The following CACNA1D variants were observed in gnomAD, a reference collection of about 807,000 sequenced individuals.
The protein encoded by CACNA1D is calcium voltage-gated channel subunit alpha1 D, also known as voltage-dependent L-type calcium channel subunit alpha-1D.
A neutral mutation model predicts 257.1 loss-of-function variants in CACNA1D; 55 were observed. The ratio of observed to expected loss-of-function variants is 0.21; its 90% CI spans 0.17 to 0.27. CACNA1D has a LOEUF of 0.27. Among genes scored for constraint, CACNA1D ranks in the 10% least tolerant of loss-of-function variants. CACNA1D has a pLI of 1.00. For missense variants in CACNA1D, 1,876 were observed against 2,784.0 expected (o/e 0.67, Z 7.34); for synonymous variants, 980 against 1,014.9 (o/e 0.97, Z 0.65).
chr3:53,772,071 C>T (rs777500834), intron 32 of CACNA1D, among the ~76,000 whole-genome samples: 6 of 152,208 alleles, frequency 3.9e-5, no homozygotes, highest in East Asian at 1.9e-4. Context: ...TGCAGGTAGA[C>T]GTGTTGGTCA....
chr3:53,774,372 A>T lies in CACNA1D; in HGVS notation c.4111-215A>T. The T allele has an allele frequency of 1.8e-6, 1 of 552,242 alleles. No homozygotes were observed. The highest frequency in any genetic ancestry group is 3.3e-6 in the Non-Finnish European group (1 of 307,168). The allele number at this position is 552,242 out of a possible 1,614,324, so 34.2% of individuals were successfully genotyped here. A position where few individuals can be genotyped will look rare whatever the true frequency, so the allele number is the denominator to read the frequency against. On this transcript the variant is annotated intron_variant, in intron 33 of 47. Coordinates refer to ENST00000350061, the MANE Select transcript of CACNA1D (RefSeq NM_001128840.3). This position sits in a 1 kb window ranked among gnomAD's most constrained non-coding sequence, Gnocchi z 4.3. Reference sequence around the variant, plus strand: ...CCCAGGGGAGATCCGCGAATGTGAGACCGTGCCCCTCTGGAGCACCACGTT... The same window carrying T: ...CCCAGGGGAGATCCGCGAATGTGAGTCCGTGCCCCTCTGGAGCACCACGTT...
intron 3 of CACNA1D, among the ~76,000 whole-genome samples, chr3:53,570,845 G>T (rs1231466353): frequency 6.6e-6 from 1 of 152,200 alleles, no homozygotes; most frequent in African/African-American, 2.4e-5. Context: ...GCTAAAAATG[G>T]TCAAGGAAGG....
intron 3 of CACNA1D, among the ~76,000 whole-genome samples, chr3:53,539,931 C>G (rs1005183389): frequency 1.3e-5 from 2 of 152,152 alleles, no homozygotes; most frequent in Non-Finnish European, 2.9e-5. Flanking sequence ...GTCTTTGGTT[C>G]ATTTTCCCAT....
intron 3 of CACNA1D, among the ~76,000 whole-genome samples, chr3:53,588,499 G>A (rs2093254375): frequency 6.6e-6 from 1 of 152,148 alleles, no homozygotes; most frequent in African/African-American, 2.4e-5. Context: ...CTGCCTGGGG[G>A]AGTAGAGAAA....
chr3:53,540,764 G>A (rs1210667982), intron 3 of CACNA1D, among the ~76,000 whole-genome samples: 1 of 151,896 alleles, frequency 6.6e-6, no homozygotes. Flanking sequence ...TTTTTGAGAT[G>A]GAGTTTTGCT....
chr3:53,809,437 C>T (rs548101345), intron 46 of CACNA1D: 44 of 185,954 alleles, frequency 2.4e-4, no homozygotes, highest in African/African-American at 8.6e-4. Flanking sequence ...TTACAGACAG[C>T]GTTCCCCGTC....
chr3:53,625,168 CACTCACATCCGGGTCT>C (rs1469835490), intron 3 of CACNA1D, among the ~76,000 whole-genome samples: 1 of 152,134 alleles, frequency 6.6e-6, no homozygotes, highest in Non-Finnish European at 1.5e-5. Context: ...GACCATATCT[CACTCACATCCGGGTCT>C]TGAGGTCCTG....
rs141704756 is a variant in CACNA1D at position 53,732,066 on chromosome 3, G to A, written c.2457G>A (p.Pro819=). The change falls in exon 18 of 48, where the codon CCG becomes CCA. Residue 819 remains proline, a synonymous_variant. Transcript: ENST00000350061. ...REEDEDKDPY[P]PCDVPVGEEE... ...AGGATGAAGACAAGGACCCCTATCC[G>A]CCTTGCGATGTGCCAGGTATGGTGG... 64 of 1,612,292 alleles carry A rather than the reference G, an allele frequency of 4.0e-5. No homozygotes were observed. In the East Asian group the frequency reaches 4.9e-4, roughly 12 times the overall value.
chr3:53,754,959 G>T (rs1328442366), intron 29 of CACNA1D, among the ~76,000 whole-genome samples: 2 of 152,184 alleles, frequency 1.3e-5, no homozygotes, highest in Non-Finnish European at 2.9e-5. Flanking sequence ...GTGATTAATT[G>T]GGGTGATTGC....
chr3:53,631,605 T>G (rs953960956), intron 3 of CACNA1D, among the ~76,000 whole-genome samples: 1 of 152,228 alleles, frequency 6.6e-6, no homozygotes, highest in Non-Finnish European at 1.5e-5. Flanking sequence ...ACATCCAGAA[T>G]GGTGAATTCC....
At chr3:53,581,204 G>A (rs187163091) in intron 3 of CACNA1D, among the ~76,000 whole-genome samples, 23 of 152,282 alleles carry the variant, frequency 1.5e-4, no homozygotes, top group Admixed American at 1.1e-3. Flanking sequence ...ATATATGCTC[G>A]GATCCCCATG....
In CACNA1D at chr3:53,735,355, C is replaced by T; in HGVS notation, c.2622-19C>T. 2.5e-6 allele frequency: 4 copies of T among 1,613,234 alleles called. No homozygotes were observed. The highest frequency in any genetic ancestry group is 3.4e-6 in the Non-Finnish European group (4 of 1,179,196). On this transcript the variant is annotated intron_variant, in intron 19 of 47. Transcript: ENST00000350061. ...CACCCTATCTGGGACTGTTTCCAAG[C>T]AGCGGCTTTTCCCTGCAGGATCCGC...
At position 53,497,697 on chromosome 3, in the gene CACNA1D, A is replaced by G. The variant is rs147300211; in HGVS notation, c.377+236A>G. 9.9e-5 allele frequency among the ~76,000 whole-genome samples: 15 copies of G among 152,182 alleles called. No individual in the cohort carries two copies. In the East Asian group the frequency reaches 2.9e-3, roughly 29 times the overall value. On this transcript the variant is annotated intron_variant, in intron 2 of 47. Transcript: ENST00000350061. ...TGTGTATAGTAGTAGTAGTAGGGGG[A>G]GGGAGTGACAGCCTGAAACTTCACA...
intron 3 of CACNA1D, among the ~76,000 whole-genome samples, chr3:53,588,867 G>A (rs538154630): frequency 1.3e-5 from 2 of 152,260 alleles, no homozygotes; most frequent in Admixed American, 6.5e-5. Context: ...GAAAAAAAAA[G>A]TAACTGTCTT....
intron 8 of CACNA1D, among the ~76,000 whole-genome samples, chr3:53,684,621 C>CA (rs60026644): frequency 0.17 from 13,676 of 82,550 alleles, 1,476 homozygotes; most frequent in Non-Finnish European, 0.21. Context: ...GAAACTCTGT[C>CA]AAAAAAAAAA....
intron 44 of CACNA1D, 44 bp downstream of exon 44, chr3:53,803,616 C>A: frequency 6.2e-7 from 1 of 1,604,082 alleles, no homozygotes; most frequent in Non-Finnish European, 8.5e-7. Flanking sequence ...GCCGCCCTGC[C>A]CTGGTGCTCG....
intron 32 of CACNA1D, among the ~76,000 whole-genome samples, chr3:53,771,285 C>T (rs2095364956): frequency 6.6e-6 from 1 of 152,236 alleles, no homozygotes; most frequent in Non-Finnish European, 1.5e-5. Flanking sequence ...GAAAGTGAAT[C>T]CTGCATCTTC....
chr3:53,548,352 C>CTT (rs34313562), intron 3 of CACNA1D, among the ~76,000 whole-genome samples: 22 of 71,580 alleles, frequency 3.1e-4, no homozygotes, highest in East Asian at 1.4e-3. Context: ...AGCAACAAAG[C>CTT]TTTTTTTTTT....
intron 3 of CACNA1D, among the ~76,000 whole-genome samples, chr3:53,607,623 G>C (rs1008218282): frequency 6.6e-6 from 1 of 152,222 alleles, no homozygotes; most frequent in African/African-American, 2.4e-5. Context: ...GAATTAGTCT[G>C]AAAGTGGATT....
Sources: allele counts gnomAD v4.1 joint callset (sites outside exome capture counted in the v4.1 genomes callset), GRCh38; gene constraint gnomAD v4.1.1; non-coding constraint Gnocchi (gnomAD v3.1); transcripts MANE v1.5; gene names NCBI Gene and HGNC (gene_info 2026-07-23, HGNC 2026-07-21).